The following CMSS1 variants were observed in gnomAD, a reference collection of about 807,000 sequenced individuals.
The protein encoded by CMSS1 is protein CMSS1.
A neutral mutation model predicts 43.5 loss-of-function variants in CMSS1; 33 were observed. The ratio of observed to expected loss-of-function variants is 0.76; its 90% CI spans 0.57 to 1.01. The LOEUF is 1.01. CMSS1 is among the 50% of genes least tolerant of loss of function. The pLI is 0.00. For synonymous variants in CMSS1, 115 were observed against 117.2 expected (o/e 0.98, Z 0.12); for missense variants, 313 against 326.4 (o/e 0.96, Z 0.32).
At chr3:100,134,102 T>C (rs2066731527) in intron 1 of CMSS1, among the ~76,000 whole-genome samples, 1 of 152,224 alleles carries the variant, frequency 6.6e-6, no homozygotes, top group Non-Finnish European at 1.5e-5. Context: ...TAGGTCTAGA[T>C]GTAGCCTCAT....
intron 1 of CMSS1, among the ~76,000 whole-genome samples, chr3:99,956,669 A>G (rs533773219): frequency 6.6e-6 from 1 of 152,352 alleles, no homozygotes; most frequent in South Asian, 2.1e-4. Flanking sequence ...GCTTTGGATC[A>G]TAAGCATCGC....
intron 1 of CMSS1, among the ~76,000 whole-genome samples, chr3:99,868,285 T>C (rs1040768521): frequency 6.6e-6 from 1 of 152,080 alleles, no homozygotes; most frequent in African/African-American, 2.4e-5. Flanking sequence ...CCTTACAGAG[T>C]GGCTAAGGTT....
chr3:99,935,875 TAGA>T (rs1707649692), intron 1 of CMSS1, among the ~76,000 whole-genome samples: 1 of 152,240 alleles, frequency 6.6e-6, no homozygotes, highest in Non-Finnish European at 1.5e-5. Flanking sequence ...GCAAGAGGAC[TAGA>T]AGAGAGTTTG....
chr3:99,967,821 A>G (rs10936008), intron 1 of CMSS1, among the ~76,000 whole-genome samples: 107,847 of 152,016 alleles, frequency 0.71, 38,598 homozygotes, highest in East Asian at 0.81. Context: ...TTTTATATAC[A>G]TGATTTTGAG....
At chr3:99,974,662 A>G (rs1383363128) in intron 1 of CMSS1, among the ~76,000 whole-genome samples, 1 of 152,142 alleles carries the variant, frequency 6.6e-6, no homozygotes, top group Non-Finnish European at 1.5e-5. Flanking sequence ...AGCCAAGGTC[A>G]TGCCATTGCA....
intron 1 of CMSS1, among the ~76,000 whole-genome samples, chr3:100,142,194 A>G (rs2066810904): frequency 6.6e-6 from 1 of 152,204 alleles, no homozygotes; most frequent in Non-Finnish European, 1.5e-5. Context: ...TCTTTCTCAT[A>G]GTTTTTGTTG....
chr3:99,876,024 C>CT (rs1705494700), intron 1 of CMSS1: 2 of 984,452 alleles, frequency 2.0e-6, no homozygotes, highest in South Asian at 4.7e-5. Context: ...ACCTGGCTGT[C>CT]TGACAGCAGT....
At chr3:99,941,344 C>T (rs1707845114) in intron 1 of CMSS1, among the ~76,000 whole-genome samples, 2 of 152,232 alleles carry the variant, frequency 1.3e-5, no homozygotes, top group South Asian at 4.2e-4. Context: ...AAATAATGTT[C>T]AATGCACAAA....
At chr3:99,848,315 G>A (rs1364188492) in intron 1 of CMSS1, 1 of 1,614,098 alleles carries the variant, frequency 6.2e-7, no homozygotes, top group Admixed American at 1.7e-5. Flanking sequence ...GATTGTCGAG[G>A]AAGAGGTGTG....
chr3:100,149,009 T>C (rs1035998233), intron 2 of CMSS1, among the ~76,000 whole-genome samples: 5 of 152,178 alleles, frequency 3.3e-5, no homozygotes, highest in Admixed American at 3.3e-4. Context: ...AATCATACCA[T>C]AGTCATGCCC....
intron 1 of CMSS1, among the ~76,000 whole-genome samples, chr3:99,955,594 G>A (rs184151401): frequency 1.1e-4 from 17 of 152,172 alleles, no homozygotes; most frequent in Admixed American, 1.1e-3. Flanking sequence ...TTTTACTTGT[G>A]AAAGACTGTG....
At chr3:100,150,075 CCT>C (rs1165848509) in intron 2 of CMSS1, among the ~76,000 whole-genome samples, 2 of 152,144 alleles carry the variant, frequency 1.3e-5, no homozygotes, top group African/African-American at 4.8e-5. Flanking sequence ...CCTCCTTCAT[CCT>C]CTCTCTCCCA....
chr3:100,068,350 C>CTGTGTGTGTGTG (rs62958661), intron 1 of CMSS1, among the ~76,000 whole-genome samples: 6 of 149,516 alleles, frequency 4.0e-5, no homozygotes, highest in East Asian at 4.0e-4. Context: ...GAAAGAGCCT[C>CTGTGTGTGTGTG]TGTGTGTGTG....
At chr3:99,979,141 C>A (rs1709049736) in intron 1 of CMSS1, among the ~76,000 whole-genome samples, 1 of 152,096 alleles carries the variant, frequency 6.6e-6, no homozygotes, top group South Asian at 2.1e-4. Context: ...AGGTGATTAC[C>A]CTGATTTGAT....
intron 1 of CMSS1, chr3:99,898,455 A>G (rs1422972346): frequency 1.3e-5 from 2 of 152,196 alleles, no homozygotes; most frequent in African/African-American, 4.8e-5. Flanking sequence ...TATGACATGC[A>G]CCCACTCACA....
At chr3:100,150,356 T>G (rs2066896209) in intron 2 of CMSS1, among the ~76,000 whole-genome samples, 1 of 152,226 alleles carries the variant, frequency 6.6e-6, no homozygotes, top group African/African-American at 2.4e-5. Flanking sequence ...TTTAAAAATG[T>G]TATGCTATAT....
intron 1 of CMSS1, among the ~76,000 whole-genome samples, chr3:100,000,693 C>T (rs1017547361): frequency 3.9e-5 from 6 of 152,154 alleles, no homozygotes; most frequent in Admixed American, 6.5e-5. Flanking sequence ...CCAACCTGGG[C>T]GATAGCGCAA....
intron 1 of CMSS1, among the ~76,000 whole-genome samples, chr3:100,110,948 A>G (rs1329664543): frequency 6.6e-6 from 1 of 152,190 alleles, no homozygotes; most frequent in African/African-American, 2.4e-5. Context: ...TGGATATACT[A>G]ATATACTATA....
chr3:99,867,738 T>C (rs917110240), intron 1 of CMSS1, among the ~76,000 whole-genome samples: 7 of 152,156 alleles, frequency 4.6e-5, no homozygotes, highest in East Asian at 1.9e-4. Context: ...TCCTCCCTTC[T>C]TTCCTATATA....
Sources: gnomAD v4.1 joint callset for allele counts (sites outside exome capture counted in the v4.1 genomes callset) on GRCh38, gnomAD v4.1.1 for gene constraint, MANE v1.5 for transcripts, NCBI Gene and HGNC (gene_info 2026-07-23, HGNC 2026-07-21) for gene names.